The following ASXL3 variants were observed in gnomAD, a reference collection of about 807,000 sequenced individuals.
The protein encoded by ASXL3 is ASXL transcriptional regulator 3.
ASXL3 carries 34 observed loss-of-function variants against 170.6 expected under a neutral mutation model. The observed-to-expected ratio is 0.20, with a 90% CI of 0.15 to 0.27. The LOEUF (loss-of-function observed/expected upper bound fraction) is 0.27. Among genes scored for constraint, ASXL3 ranks in the 10% least tolerant of loss-of-function variants. The pLI is 1.00. For missense variants in ASXL3, 2,592 were observed against 2,695.3 expected, an observed-to-expected ratio of 0.96 and a Z score of 0.85; for synonymous variants, 1,002 against 989.1, an observed-to-expected ratio of 1.01 and a Z score of -0.24.
chr18:33,737,929 C>T (rs907294203), intron 10 of ASXL3, among the ~76,000 whole-genome samples: 10 of 152,114 alleles, frequency 6.6e-5, no homozygotes, highest in Non-Finnish European at 1.3e-4. Context: ...TTTCTACTTG[C>T]AGATTTAAAA....
At chr18:33,700,250 G>A (rs753146998) in intron 8 of ASXL3, among the ~76,000 whole-genome samples, 26 of 151,984 alleles carry the variant, frequency 1.7e-4, no homozygotes, top group African/African-American at 5.1e-4. Flanking sequence ...AATAGGAATC[G>A]GTGGCTTACT....
intron 5 of ASXL3, among the ~76,000 whole-genome samples, chr18:33,666,910 A>T (rs2066265212): frequency 6.6e-6 from 1 of 152,182 alleles, no homozygotes; most frequent in East Asian, 1.9e-4. Context: ...TGGGACAAGG[A>T]TGCTGACTGT....
intron 1 of ASXL3, among the ~76,000 whole-genome samples, chr18:33,580,731 T>C (rs2064984661): frequency 1.3e-5 from 2 of 152,182 alleles, no homozygotes; most frequent in Admixed American, 1.3e-4. Context: ...AAAAGTTCGT[T>C]GATGGGAAAA....
At chr18:33,655,645 A>C (rs1388538370) in intron 4 of ASXL3, among the ~76,000 whole-genome samples, 1 of 152,082 alleles carries the variant, frequency 6.6e-6, no homozygotes, top group Non-Finnish European at 1.5e-5. Context: ...TTTTAAAAAT[A>C]GAGTTCAGGA....
intron 8 of ASXL3, among the ~76,000 whole-genome samples, chr18:33,710,883 TG>T (rs1221198328): frequency 1.3e-5 from 2 of 152,078 alleles, no homozygotes; most frequent in East Asian, 3.8e-4. Context: ...GGTTTTTGTT[TG>T]GGGGGGAACA....
At chr18:33,646,672 G>A (rs1290911193) in intron 4 of ASXL3, among the ~76,000 whole-genome samples, 1 of 151,732 alleles carries the variant, frequency 6.6e-6, no homozygotes, top group African/African-American at 2.4e-5. Flanking sequence ...TCTTATGGGA[G>A]GACTGAGAAT....
intron 2 of ASXL3, among the ~76,000 whole-genome samples, chr18:33,624,390 A>G (rs2145158753): frequency 6.6e-6 from 1 of 151,952 alleles, no homozygotes; most frequent in Middle Eastern, 3.4e-3. Context: ...ATGACAGTTC[A>G]TTTACAATAA....
rs192856117 is a variant in ASXL3 at position 33,698,948 on chromosome 18, C to A, written c.879+15380C>A. Among the ~76,000 whole-genome samples, 5 of 152,152 alleles carry A rather than the reference C, an allele frequency of 3.3e-5. No individual in the cohort carries two copies. In the East Asian group the frequency reaches 9.7e-4, roughly 29 times the overall value. ...GCTCATGGCCAAGGCTGTGCCCGTT[C>A]GTGCTATAGGGAAAGTTGCTTCACT... is the stretch of plus-strand genomic sequence containing the variant. On this transcript the variant is annotated intron_variant, in intron 8 of 11. Coordinates refer to ENST00000269197, the MANE Select transcript of ASXL3 (RefSeq NM_030632.3).
intron 1 of ASXL3, among the ~76,000 whole-genome samples, chr18:33,603,717 A>G (rs2065211207): frequency 6.6e-6 from 1 of 152,056 alleles, no homozygotes; most frequent in Non-Finnish European, 1.5e-5. Flanking sequence ...CCTTTCATGG[A>G]GTAGAAGTGA....
rs767413264 is a variant in ASXL3, at chr18:33,622,595, A to G, written c.137+14919A>G. Among the ~76,000 whole-genome samples the G allele has an allele frequency of 3.9e-5, 6 of 152,104 alleles. No individual in the cohort carries two copies. The East Asian group carries it at 9.7e-4, about 24-fold the overall frequency. Reference sequence around the variant, plus strand: ...TTGCAGTCTGAAGGTGGGTAGTCCTATGAGTTATGAGATAGCTGTGTTACC... The same window carrying G: ...TTGCAGTCTGAAGGTGGGTAGTCCTGTGAGTTATGAGATAGCTGTGTTACC... On this transcript the variant is annotated intron_variant, in intron 2 of 11. Coordinates refer to ENST00000269197, the MANE Select transcript of ASXL3 (RefSeq NM_030632.3).
intron 2 of ASXL3, among the ~76,000 whole-genome samples, chr18:33,623,200 A>G (rs764520188): frequency 1.3e-5 from 2 of 152,098 alleles, no homozygotes; most frequent in Non-Finnish European, 2.9e-5. Context: ...TTATCTTTGC[A>G]ATTTCATTTT....
At chr18:33,614,548 A>G (rs2065389444) in intron 2 of ASXL3, 2 of 152,154 alleles carry the variant, frequency 1.3e-5, no homozygotes, top group African/African-American at 4.8e-5. Flanking sequence ...AATGTTCTCA[A>G]CGGCATCTAG....
chr18:33,584,091 A>G (rs1432699762), intron 1 of ASXL3, among the ~76,000 whole-genome samples: 2 of 152,194 alleles, frequency 1.3e-5, no homozygotes, highest in Non-Finnish European at 2.9e-5. Context: ...TGATTGTGGA[A>G]TGCTCAATGG....
chr18:33,688,074 G>A (rs2066626363), intron 8 of ASXL3, among the ~76,000 whole-genome samples: 1 of 152,114 alleles, frequency 6.6e-6, no homozygotes, highest in South Asian at 2.1e-4. Context: ...GGAGAATACT[G>A]GTATTTCATG....
intron 2 of ASXL3, among the ~76,000 whole-genome samples, chr18:33,635,271 T>C (rs1269316218): frequency 6.6e-6 from 1 of 152,130 alleles, no homozygotes; most frequent in African/African-American, 2.4e-5. Context: ...TCATATAAGC[T>C]CTCTCTTTGG....
At chr18:33,740,922 A>T (rs972342461) in intron 11 of ASXL3, among the ~76,000 whole-genome samples, 1 of 152,224 alleles carries the variant, frequency 6.6e-6, no homozygotes, top group Non-Finnish European at 1.5e-5. Flanking sequence ...AAAGTGGATT[A>T]TTCCATCATA....
At chr18:33,741,430 A>C (rs766432162) in intron 11 of ASXL3, among the ~76,000 whole-genome samples, 20 of 152,180 alleles carry the variant, frequency 1.3e-4, no homozygotes, top group Non-Finnish European at 2.2e-4. Flanking sequence ...TAAATTAAGC[A>C]CTGATGTGAA....
intron 8 of ASXL3, among the ~76,000 whole-genome samples, chr18:33,721,474 T>C (rs1282993694): frequency 1.3e-5 from 2 of 152,092 alleles, no homozygotes; most frequent in Non-Finnish European, 2.9e-5. Flanking sequence ...TACATGTGTA[T>C]ATATGTTTAG....
At chr18:33,610,967 T>A (rs2065328132) in intron 2 of ASXL3, among the ~76,000 whole-genome samples, 1 of 152,090 alleles carries the variant, frequency 6.6e-6, no homozygotes, top group South Asian at 2.1e-4. Context: ...GGTTTGAACT[T>A]GCAACTTATA....
Sources: gnomAD v4.1 joint callset for allele counts (sites outside exome capture counted in the v4.1 genomes callset) on GRCh38, gnomAD v4.1.1 for gene constraint, MANE v1.5 for transcripts, NCBI Gene and HGNC (gene_info 2026-07-23, HGNC 2026-07-21) for gene names.